FRAS1: variants seen among roughly 807,000 people sequenced by gnomAD.
FRAS1 encodes Fraser extracellular matrix complex subunit 1.
A neutral mutation model predicts 435.2 loss-of-function variants in FRAS1; 290 were observed. That is an observed-to-expected ratio of 0.67 (90% CI 0.61 to 0.73). The LOEUF (loss-of-function observed/expected upper bound fraction) is 0.73, where lower values mean the gene tolerates loss of function less well. Among genes scored for constraint, FRAS1 ranks in the 30% least tolerant of loss-of-function variants. The pLI is 0.00. For missense variants in FRAS1, 4,860 were observed against 5,001.5 expected (o/e 0.97, Z 0.85); for synonymous variants, 1,800 against 1,851.0 (o/e 0.97, Z 0.71).
intron 2 of FRAS1, among the ~76,000 whole-genome samples, chr4:78,155,992 C>T (rs1720866318): frequency 6.6e-6 from 1 of 152,132 alleles, no homozygotes; most frequent in African/African-American, 2.4e-5. Flanking sequence ...CAACATAATT[C>T]TTTCATGTGG....
At chr4:78,382,537 A>G (rs949530333) in intron 27 of FRAS1, among the ~76,000 whole-genome samples, 3 of 152,262 alleles carry the variant, frequency 2.0e-5, no homozygotes, top group South Asian at 2.1e-4. Context: ...CATCAGTTAC[A>G]TTCTCTTGAA....
intron 34 of FRAS1, among the ~76,000 whole-genome samples, chr4:78,423,764 A>C (rs1578315315): frequency 6.6e-6 from 1 of 152,204 alleles, no homozygotes; most frequent in East Asian, 1.9e-4. Flanking sequence ...TGGATAACTA[A>C]TAGCCCATGA....
At chr4:78,301,573 A>G (rs369696253) in intron 14 of FRAS1, among the ~76,000 whole-genome samples, 1 of 152,140 alleles carries the variant, frequency 6.6e-6, no homozygotes, top group East Asian at 1.9e-4. Flanking sequence ...GGGTCCTCAG[A>G]AGGTTGAATC....
chr4:78,345,549 G>A (rs897960292), intron 20 of FRAS1, among the ~76,000 whole-genome samples: 2 of 150,140 alleles, frequency 1.3e-5, no homozygotes, highest in African/African-American at 2.5e-5. Flanking sequence ...CAATTTGCTC[G>A]TGTCTTCTAT....
chr4:78,486,161 A>G (rs1486701958), intron 58 of FRAS1, among the ~76,000 whole-genome samples: 1 of 152,212 alleles, frequency 6.6e-6, no homozygotes, highest in Admixed American at 6.5e-5. Flanking sequence ...AAACAGAGGC[A>G]GGATTTCTCC....
At chr4:78,314,557 C>T (rs1729158587) in intron 15 of FRAS1, among the ~76,000 whole-genome samples, 1 of 152,190 alleles carries the variant, frequency 6.6e-6, no homozygotes, top group Admixed American at 6.5e-5. Context: ...CAAATACAGC[C>T]GTGTTTCTAC....
chr4:78,270,856 A>G (rs767959072), intron 9 of FRAS1, among the ~76,000 whole-genome samples: 1 of 152,268 alleles, frequency 6.6e-6, no homozygotes, highest in African/African-American at 2.4e-5. Flanking sequence ...TCTGCTTTCT[A>G]TAGTACCCAC....
In FRAS1 at chr4:78,508,917, G is replaced by A. The variant is rs1720938422; in HGVS notation, c.9691G>A (p.Glu3231Lys). Residue 3231 changes from glutamate to lysine, a missense_variant, in exon 63 of 74, where the codon GAA becomes AAA. By Grantham distance (56) the Glu-to-Lys change is moderately conservative (BLOSUM62 1). Transcript: ENST00000512123. The stretch of plus-strand genomic sequence containing the variant: ...CCAGACATCTGTGCAGTTCAGCTGG[G>A]AAGTGGCTGCCCCCACTGATGGCAA... ...INQTSVQFSWEVAAPTDGNGA... is the reference protein window; with the variant it reads ...INQTSVQFSWKVAAPTDGNGA... 6.2e-7 allele frequency: 1 copy of A among 1,613,968 alleles called. No individual in the cohort carries two copies. The highest frequency in any genetic ancestry group is 8.5e-7 in the Non-Finnish European group (1 of 1,179,890).
At chr4:78,498,769 C>T (rs1720586807) in intron 60 of FRAS1, among the ~76,000 whole-genome samples, 1 of 151,996 alleles carries the variant, frequency 6.6e-6, no homozygotes, top group Non-Finnish European at 1.5e-5. Flanking sequence ...TCTACCACCA[C>T]CCCACCCTTC....
Position 78,515,976 on chromosome 4 carries a change from T to C in FRAS1, c.10352T>C (p.Ile3451Thr), listed in dbSNP as rs766850666. ...GCTTATTATGACATGACTGAGCTGA[T>C]TGACGTCTGTGGGGGCTCTGTAACC... ...FDAYYDMTEL[I>T]DVCGGSVTAD... The change falls in exon 66 of 74, where the codon ATT (isoleucine) becomes ACT (threonine). Residue 3451 changes from isoleucine (I) to threonine (T), a missense_variant. Ile to Thr is a moderately conservative substitution (Grantham distance 89). Transcript: ENST00000512123. 1.9e-6 allele frequency: 3 copies of C among 1,613,864 alleles called. No individual in the cohort carries two copies. The highest frequency in any genetic ancestry group is 2.2e-5 in the East Asian group (1 of 44,856).
At position 78,334,934 on chromosome 4, in the gene FRAS1, A is replaced by T. The variant is rs116774113; in HGVS notation, c.2278+1522A>T. Among the ~76,000 whole-genome samples, 1,060 of 151,602 alleles carry T rather than the reference A, an allele frequency of 7.0e-3. 15 individuals carry two copies. Among genetic ancestry groups the T allele is most frequent in the African/African-American group, 0.024 (981 of 41,326 alleles). On this transcript the variant is annotated intron_variant, in intron 19 of 73. Transcript: ENST00000512123. ...CCACCATGCCCAAGTAATTTTTTTT[A>T]AATTTTTTGTAGAGACAGGGTCTCA...
rs1170286220 is a variant in FRAS1, at chr4:78,407,812, C to T, written c.4279C>T (p.Pro1427Ser). The change falls in exon 31 of 74, where the codon CCA becomes TCA. Residue 1427 changes from proline (P) to serine (S), a missense_variant. Coordinates refer to ENST00000512123, the MANE Select transcript of FRAS1 (RefSeq NM_025074.7). ...GIVWYRHSGA[P>S]AQSDSFRFEV... ...CGTATGGTACAGGCACTCAGGAGCC[C>T]CAGCCCAGAGCGACTCCTTCCGCTT... is the stretch of plus-strand genomic sequence containing the variant. 1 of 1,610,454 alleles carries T rather than the reference C, an allele frequency of 6.2e-7. No homozygotes were observed. Among genetic ancestry groups the T allele is most frequent in the Non-Finnish European group, 8.5e-7 (1 of 1,178,078 alleles).
intron 2 of FRAS1, among the ~76,000 whole-genome samples, chr4:78,087,724 C>T (rs1206661659): frequency 9.2e-5 from 14 of 151,954 alleles, no homozygotes; most frequent in Middle Eastern, 3.4e-3. Flanking sequence ...ACAAGGGGCG[C>T]GAAGGACCTC....
At chr4:78,319,124 C>A in intron 18 of FRAS1, 138 bp downstream of exon 18, 3 of 845,280 alleles carry the variant, frequency 3.5e-6, no homozygotes, top group Non-Finnish European at 5.7e-6. Flanking sequence ...AGCAGGAGAC[C>A]AACGTGCAAA....
intron 61 of FRAS1, among the ~76,000 whole-genome samples, chr4:78,506,472 C>T (rs1397534717): frequency 6.6e-6 from 1 of 152,260 alleles, no homozygotes; most frequent in African/African-American, 2.4e-5. Flanking sequence ...CACCCCTCCC[C>T]CAGCCAGGCT....
At chr4:78,356,299 G>A (rs2110286956) in intron 20 of FRAS1, among the ~76,000 whole-genome samples, 1 of 152,138 alleles carries the variant, frequency 6.6e-6, no homozygotes, top group Non-Finnish European at 1.5e-5. Flanking sequence ...TTTTTCGTGG[G>A]CCTTCAAATT....
intron 20 of FRAS1, among the ~76,000 whole-genome samples, chr4:78,362,688 G>C (rs1423042862): frequency 4.6e-5 from 7 of 152,178 alleles, no homozygotes; most frequent in African/African-American, 1.4e-4. Context: ...AGAAGAATGG[G>C]GTTACACAGA....
chr4:78,059,936 G>T (rs916369366), intron 1 of FRAS1, among the ~76,000 whole-genome samples: 19 of 151,876 alleles, frequency 1.3e-4, no homozygotes, highest in African/African-American at 4.4e-4. Context: ...ACTCCAAAGA[G>T]TCTTTGGAAA....
At chr4:78,433,209 A>G (rs1734281612) in intron 38 of FRAS1, among the ~76,000 whole-genome samples, 1 of 152,196 alleles carries the variant, frequency 6.6e-6, no homozygotes. Flanking sequence ...CTAACTTTAT[A>G]AGTGATCCTG....
Sources: gnomAD v4.1 joint callset for allele counts (sites outside exome capture counted in the v4.1 genomes callset) on GRCh38, gnomAD v4.1.1 for gene constraint, MANE v1.5 for transcripts, NCBI Gene and HGNC (gene_info 2026-07-23, HGNC 2026-07-21) for gene names.